The following KLHL13 variants were observed in gnomAD, a reference collection of about 807,000 sequenced individuals.
The protein encoded by KLHL13 is kelch-like protein 13.
Under a neutral mutation model 37.1 loss-of-function variants are expected in KLHL13, and 10 were observed. The observed-to-expected ratio is 0.27, with a 90% CI of 0.17 to 0.46. KLHL13 has a LOEUF of 0.46. Among genes scored for constraint, KLHL13 ranks in the 20% least tolerant of loss-of-function variants. KLHL13 has a pLI of 1.00. For synonymous variants in KLHL13, 163 were observed against 181.2 expected (o/e 0.90, Z 0.81); for missense variants, 360 against 509.3 (o/e 0.71, Z 2.82).
chrX:118,023,365 T>A (rs138592146), intron 1 of KLHL13, among the ~76,000 whole-genome samples: 1,521 of 111,192 alleles, frequency 0.014, 28 homozygotes, highest in African/African-American at 0.047. Context: ...ATCTTTTTTT[T>A]TTATACTTTA....
chrX:117,905,144 G>T (rs1030672277), intron 5 of KLHL13, among the ~76,000 whole-genome samples: 2 of 110,772 alleles, frequency 1.8e-5, no homozygotes, highest in Non-Finnish European at 3.8e-5. Context: ...AAATCCTTTG[G>T]GGGGTATAGA....
chrX:117,942,280 G>T (rs1933080801), intron 2 of KLHL13, among the ~76,000 whole-genome samples: 1 of 111,828 alleles, frequency 8.9e-6, no homozygotes, highest in Non-Finnish European at 1.9e-5. Context: ...AGTGTAATGT[G>T]GTGCTGAGAA....
chrX:117,948,427 T>C (rs948867273), intron 1 of KLHL13, among the ~76,000 whole-genome samples: 1 of 112,114 alleles, frequency 8.9e-6, no homozygotes, highest in African/African-American at 3.2e-5. Flanking sequence ...AAGTAGATAA[T>C]GGCTTTGAAG....
intron 1 of KLHL13, among the ~76,000 whole-genome samples, chrX:118,065,570 C>G (rs1323887347): frequency 5.4e-5 from 6 of 111,429 alleles, no homozygotes; most frequent in African/African-American, 2.0e-4. Context: ...GTCATATGCA[C>G]AGAGAAATCA....
chrX:117,959,314 T>G (rs2053252558), intron 1 of KLHL13, among the ~76,000 whole-genome samples: 1 of 111,884 alleles, frequency 8.9e-6, no homozygotes, highest in Non-Finnish European at 1.9e-5. Flanking sequence ...TGCTAAGGGG[T>G]TATCTATTGG....
intron 1 of KLHL13, among the ~76,000 whole-genome samples, chrX:118,085,993 A>G (rs953975208): frequency 2.7e-5 from 3 of 110,384 alleles, no homozygotes; most frequent in Non-Finnish European, 5.7e-5. Flanking sequence ...GCTGGAGTAC[A>G]ATGGCACAAT....
chrX:117,998,488 A>C (rs767818096), intron 1 of KLHL13, among the ~76,000 whole-genome samples: 6 of 111,550 alleles, frequency 5.4e-5, no homozygotes, highest in Admixed American at 1.9e-4. Flanking sequence ...CTAAAAAAAA[A>C]CACAAGAATC....
chrX:117,936,630 T>C (rs1264430689), intron 2 of KLHL13, among the ~76,000 whole-genome samples: 5 of 111,090 alleles, frequency 4.5e-5, no homozygotes, highest in African/African-American at 1.6e-4. Context: ...ACCCTCACTG[T>C]TCTGCTCTGT....
At chrX:118,053,059 C>G (rs1270450661) in intron 1 of KLHL13, among the ~76,000 whole-genome samples, 1 of 111,240 alleles carries the variant, frequency 9.0e-6, no homozygotes, top group Non-Finnish European at 1.9e-5. Flanking sequence ...GCAACATAGG[C>G]AAATGTTTAA....
At chrX:118,005,710 C>T (rs1456880628) in intron 1 of KLHL13, among the ~76,000 whole-genome samples, 3 of 111,540 alleles carry the variant, frequency 2.7e-5, no homozygotes, top group Non-Finnish European at 5.6e-5. Context: ...GGCAAGGAAA[C>T]GGATTTTCCC....
intron 2 of KLHL13, among the ~76,000 whole-genome samples, chrX:117,933,119 T>C (rs905810607): frequency 1.5e-4 from 17 of 111,326 alleles, no homozygotes; most frequent in African/African-American, 5.2e-4. Flanking sequence ...ATTAACTTCT[T>C]ATCAGATGCA....
intron 1 of KLHL13, among the ~76,000 whole-genome samples, chrX:118,045,256 C>T (rs1045691792): frequency 1.8e-5 from 2 of 108,353 alleles, no homozygotes; most frequent in Non-Finnish European, 3.8e-5. Flanking sequence ...CGCCTGTAGT[C>T]TCAGTTACTA....
At chrX:117,944,138 C>T (rs781158866) in intron 2 of KLHL13, among the ~76,000 whole-genome samples, 1 of 110,816 alleles carries the variant, frequency 9.0e-6, no homozygotes, top group South Asian at 3.9e-4. Flanking sequence ...CCTGTTTGCC[C>T]GGGTATCACC....
chrX:118,079,412 C>T (rs1054874409), intron 1 of KLHL13, among the ~76,000 whole-genome samples: 2 of 110,946 alleles, frequency 1.8e-5, no homozygotes, highest in Admixed American at 9.7e-5. Context: ...CACCAAAACG[C>T]TACTAGAACT....
rs189600534 is a variant in KLHL13 at position 117,904,171 on chromosome X, A to G, written c.1367-2225T>C. ...GTCCATCATTCTTAAGCTTTTTTCCAGCTAAAAATGCATCTCCTTTAGCTG... is the reference window on the plus strand; with the variant it reads ...GTCCATCATTCTTAAGCTTTTTTCCGGCTAAAAATGCATCTCCTTTAGCTG... On this transcript the variant is annotated intron_variant, in intron 5 of 6. Coordinates refer to ENST00000262820, the Ensembl canonical transcript of KLHL13. Among the ~76,000 whole-genome samples, 50 of 110,992 alleles carry G rather than the reference A, an allele frequency of 4.5e-4. 1 individual carries two copies. The highest frequency in any genetic ancestry group is 4.6e-3 in the Middle Eastern group (1 of 216).
At chrX:118,055,068 T>C (rs1173798504) in intron 1 of KLHL13, among the ~76,000 whole-genome samples, 1 of 111,640 alleles carries the variant, frequency 9.0e-6, no homozygotes. Flanking sequence ...ATTAGGTCAC[T>C]CTACTTTTAC....
At chrX:118,010,890 C>T (rs931329430) in intron 1 of KLHL13, among the ~76,000 whole-genome samples, 3 of 108,223 alleles carry the variant, frequency 2.8e-5, no homozygotes, top group Non-Finnish European at 3.8e-5. Flanking sequence ...CTGGGCAACA[C>T]GGCAAAACCC....
chrX:117,964,528 G>C (rs1270168015), intron 1 of KLHL13, among the ~76,000 whole-genome samples: 3 of 112,235 alleles, frequency 2.7e-5, no homozygotes, highest in African/African-American at 6.5e-5. Flanking sequence ...GCACATAATA[G>C]ACAGTTGAGT....
chrX:118,026,101 T>C (rs2054272483), intron 1 of KLHL13, among the ~76,000 whole-genome samples: 1 of 111,524 alleles, frequency 9.0e-6, no homozygotes, highest in Non-Finnish European at 1.9e-5. Context: ...TGGATTATTA[T>C]GGAAAATTCC....
Sources: allele counts gnomAD v4.1 joint callset (sites outside exome capture counted in the v4.1 genomes callset), GRCh38; gene constraint gnomAD v4.1.1; transcripts MANE v1.5; gene names NCBI Gene and HGNC (gene_info 2026-07-23, HGNC 2026-07-21).